The following PDE3A variants were observed in gnomAD, a reference collection of about 807,000 sequenced individuals.
PDE3A encodes phosphodiesterase 3A.
In PDE3A, 43 loss-of-function variants were observed where a neutral mutation model predicts 98.3. That is an observed-to-expected ratio of 0.44 (90% CI 0.34 to 0.56). The LOEUF (loss-of-function observed/expected upper bound fraction) is 0.56. Ranked by LOEUF, PDE3A falls within the 20% of genes least tolerant of loss-of-function variation. The pLI is 0.01. For synonymous variants in PDE3A, 663 were observed against 567.9 expected (o/e 1.17, Z -2.38); for missense variants, 1,427 against 1,440.7 (o/e 0.99, Z 0.15).
At chr12:20,554,379 A>AT (rs1438199590) in intron 1 of PDE3A, among the ~76,000 whole-genome samples, 4 of 132,632 alleles carry the variant, frequency 3.0e-5, no homozygotes, top group East Asian at 2.0e-4. Context: ...AAAATAAAAA[A>AT]AATAAAAAAA....
At chr12:20,428,362 C>T (rs1944636518) in intron 1 of PDE3A, among the ~76,000 whole-genome samples, 1 of 152,150 alleles carries the variant, frequency 6.6e-6, no homozygotes, top group Admixed American at 6.5e-5. Context: ...TCACTGCAAG[C>T]TCCACCTCCC....
chr12:20,644,891 C>CTT (rs199535934), intron 10 of PDE3A, among the ~76,000 whole-genome samples: 1 of 106,526 alleles, frequency 9.4e-6, no homozygotes, highest in African/African-American at 3.7e-5. Flanking sequence ...CTTCTTCCTT[C>CTT]TTTTTTTTTT....
intron 1 of PDE3A, among the ~76,000 whole-genome samples, chr12:20,456,665 T>C (rs1320570827): frequency 6.6e-6 from 1 of 152,166 alleles, no homozygotes; most frequent in African/African-American, 2.4e-5. Flanking sequence ...CAATTATGTA[T>C]ATGTGTGTCC....
intron 1 of PDE3A, among the ~76,000 whole-genome samples, chr12:20,384,182 A>C (rs1387468100): frequency 9.8e-6 from 1 of 101,856 alleles, no homozygotes; most frequent in Non-Finnish European, 2.0e-5. Context: ...GATTGGGTTG[A>C]CATTTTTTTT....
At chr12:20,454,905 C>G (rs945688653) in intron 1 of PDE3A, among the ~76,000 whole-genome samples, 1 of 152,094 alleles carries the variant, frequency 6.6e-6, no homozygotes, top group Non-Finnish European at 1.5e-5. Context: ...CATGTCTTTG[C>G]TATTGTGAAT....
chr12:20,418,281 A>G (rs1372673485), intron 1 of PDE3A, among the ~76,000 whole-genome samples: 1 of 152,200 alleles, frequency 6.6e-6, no homozygotes. Context: ...TAATGCATGC[A>G]TATTGCTGCT....
intron 1 of PDE3A, among the ~76,000 whole-genome samples, chr12:20,382,742 G>A (rs954089829): frequency 2.6e-5 from 4 of 151,914 alleles, no homozygotes; most frequent in African/African-American, 9.7e-5. Flanking sequence ...TCTTAACGTT[G>A]CAAAGGTTAA....
At chr12:20,475,947 C>T (rs367714355) in intron 1 of PDE3A, among the ~76,000 whole-genome samples, 1 of 152,056 alleles carries the variant, frequency 6.6e-6, no homozygotes, top group Non-Finnish European at 1.5e-5. Flanking sequence ...TGACTGGGGG[C>T]GAGAAGCCAT....
At chr12:20,648,047 C>G (rs1186608461) in intron 12 of PDE3A, among the ~76,000 whole-genome samples, 1 of 151,464 alleles carries the variant, frequency 6.6e-6, no homozygotes, top group East Asian at 1.9e-4. Flanking sequence ...TAAAACTTCT[C>G]TCTGCATTAT....
intron 1 of PDE3A, among the ~76,000 whole-genome samples, chr12:20,466,189 A>G (rs956100909): frequency 1.3e-5 from 2 of 152,218 alleles, no homozygotes; most frequent in Admixed American, 1.3e-4. Context: ...TTCCCATTCC[A>G]ATGCCTGACA....
chr12:20,657,110 G>A (rs1945061509), intron 15 of PDE3A, among the ~76,000 whole-genome samples: 1 of 152,144 alleles, frequency 6.6e-6, no homozygotes, highest in African/African-American at 2.4e-5. Flanking sequence ...TATCTTTAAA[G>A]TATTTCTTTA....
chr12:20,529,621 A>T (rs1359925647), intron 1 of PDE3A, among the ~76,000 whole-genome samples: 1 of 152,106 alleles, frequency 6.6e-6, no homozygotes, highest in Non-Finnish European at 1.5e-5. Flanking sequence ...TGCATCTACA[A>T]GCCAAGGAAC....
At chr12:20,398,172 G>A (rs1391282682) in intron 1 of PDE3A, among the ~76,000 whole-genome samples, 1 of 151,430 alleles carries the variant, frequency 6.6e-6, no homozygotes, top group Non-Finnish European at 1.5e-5. Context: ...CTAGAGGAAA[G>A]TGGGAAAATG....
At chr12:20,636,380 C>T (rs895416198) in intron 8 of PDE3A, among the ~76,000 whole-genome samples, 6 of 152,094 alleles carry the variant, frequency 3.9e-5, no homozygotes, top group South Asian at 4.1e-4. Flanking sequence ...TCAGAGAGAT[C>T]GTCAGGTAAA....
At chr12:20,657,080 T>C (rs532475870) in intron 15 of PDE3A, among the ~76,000 whole-genome samples, 2 of 152,330 alleles carry the variant, frequency 1.3e-5, no homozygotes, top group South Asian at 4.1e-4. Context: ...AATGATTTGA[T>C]ACTGTAGCTT....
chr12:20,575,586 C>G (rs1156972565), intron 2 of PDE3A, among the ~76,000 whole-genome samples: 1 of 151,970 alleles, frequency 6.6e-6, no homozygotes. Flanking sequence ...GGAATCTAAC[C>G]TATTAACACA....
chr12:20,408,579 T>C (rs946271992), intron 1 of PDE3A, among the ~76,000 whole-genome samples: 1 of 152,182 alleles, frequency 6.6e-6, no homozygotes, highest in Non-Finnish European at 1.5e-5. Context: ...TTCATTTTTA[T>C]TTCAAAGATT....
At chr12:20,475,881 T>C (rs1270019696) in intron 1 of PDE3A, among the ~76,000 whole-genome samples, 1 of 152,194 alleles carries the variant, frequency 6.6e-6, no homozygotes, top group Non-Finnish European at 1.5e-5. Flanking sequence ...TTCTTGGAAC[T>C]TTTGGTGCAG....
intron 5 of PDE3A, among the ~76,000 whole-genome samples, chr12:20,622,280 C>T (rs1944156296): frequency 6.6e-6 from 1 of 152,078 alleles, no homozygotes; most frequent in African/African-American, 2.4e-5. Flanking sequence ...CAAATAGCTG[C>T]ACCCCTCTGT....
Sources: allele counts gnomAD v4.1 joint callset (sites outside exome capture counted in the v4.1 genomes callset), GRCh38; gene constraint gnomAD v4.1.1; transcripts MANE v1.5; gene names NCBI Gene and HGNC (gene_info 2026-07-23, HGNC 2026-07-21).